The following GTF2F2 variants were observed in gnomAD, a reference collection of about 807,000 sequenced individuals.
GTF2F2 encodes general transcription factor IIF subunit 2, also known as ATP-dependent helicase GTF2F2.
Under a neutral mutation model 42.2 loss-of-function variants are expected in GTF2F2, and 23 were observed. That is an observed-to-expected ratio of 0.55 (90% CI 0.39 to 0.77). The LOEUF is 0.77. GTF2F2 is among the 30% of genes least tolerant of loss of function. The pLI is 0.00. For synonymous variants in GTF2F2, 105 were observed against 100.8 expected (o/e 1.04, Z -0.25); for missense variants, 261 against 287.2 (o/e 0.91, Z 0.66).
chr13:45,231,138 C>T (rs908628032), intron 5 of GTF2F2, among the ~76,000 whole-genome samples: 4 of 151,908 alleles, frequency 2.6e-5, no homozygotes, highest in Non-Finnish European at 4.4e-5. Context: ...GACGGAGTCT[C>T]GCTCTGTCAC....
intron 1 of GTF2F2, among the ~76,000 whole-genome samples, chr13:45,127,875 C>A (rs1180702982): frequency 6.8e-6 from 1 of 146,490 alleles, no homozygotes; most frequent in African/African-American, 2.5e-5. Flanking sequence ...TTGTGATCTG[C>A]CCGCCTCAGC....
chr13:45,227,389 G>T (rs1178825662), intron 5 of GTF2F2, among the ~76,000 whole-genome samples: 1 of 152,176 alleles, frequency 6.6e-6, no homozygotes, highest in Non-Finnish European at 1.5e-5. Context: ...TCCACAGGGA[G>T]AGCAAAATTC....
intron 5 of GTF2F2, among the ~76,000 whole-genome samples, chr13:45,223,672 A>G (rs1874212369): frequency 6.6e-6 from 1 of 152,238 alleles, no homozygotes; most frequent in Non-Finnish European, 1.5e-5. Context: ...AAAATAACTG[A>G]TAGAATACTG....
intron 4 of GTF2F2, among the ~76,000 whole-genome samples, chr13:45,204,983 T>A (rs755857078): frequency 3.9e-5 from 6 of 152,196 alleles, no homozygotes; most frequent in Non-Finnish European, 7.3e-5. Flanking sequence ...GTGGACCTGA[T>A]TTCTACCCTT....
At chr13:45,124,777 G>C (rs374252840) in intron 1 of GTF2F2, among the ~76,000 whole-genome samples, 1 of 151,978 alleles carries the variant, frequency 6.6e-6, no homozygotes, top group African/African-American at 2.4e-5. Flanking sequence ...TGTTGGCCAG[G>C]ATGGTCTTGA....
intron 4 of GTF2F2, among the ~76,000 whole-genome samples, chr13:45,153,621 G>T (rs924787582): frequency 2.6e-5 from 4 of 152,006 alleles, no homozygotes; most frequent in Non-Finnish European, 5.9e-5. Context: ...GCATAGTATA[G>T]GCCTATCTAA....
chr13:45,283,966 G>GA lies in GTF2F2; in HGVS notation c.*408dup, dbSNP rs1436118981. 2 of 152,180 alleles carry GA rather than the reference G, an allele frequency of 1.3e-5. No individual in the cohort carries two copies. Among genetic ancestry groups the GA allele is most frequent in the African/African-American group, 4.8e-5 (2 of 41,422 alleles). The allele number at this position is 152,180 out of a possible 1,614,324, so 9.4% of individuals were successfully genotyped here. On this transcript the variant is annotated 3_prime_UTR_variant, in exon 8 of 8. Transcript: ENST00000340473. ...AGCAAGAAAAAAACAGTCAACTACA[G>GA]AAACTCTTAAAAGGAATAAAAACCC...
intron 4 of GTF2F2, among the ~76,000 whole-genome samples, chr13:45,170,366 C>A (rs1320933275): frequency 1.3e-5 from 2 of 152,170 alleles, no homozygotes; most frequent in Non-Finnish European, 2.9e-5. Flanking sequence ...ATTACATGGG[C>A]TCCAATTAAT....
rs1875282292 is a variant in GTF2F2, at chr13:45,241,184, A to AT, written c.387-11687_387-11686insT. Among the ~76,000 whole-genome samples the AT allele has an allele frequency of 2.8e-5, 4 of 143,886 alleles. No individual in the cohort carries two copies. The East Asian group carries it at 8.0e-4, about 29-fold the overall frequency. The allele number at this position is 143,886 out of a possible 152,430, so 94.4% of individuals were successfully genotyped here. ...CTTAAAAAAAAGTAAATAAATATAA[A>AT]ATATATATATATATATATATATCTG... is the stretch of plus-strand genomic sequence containing the variant. On this transcript the variant is annotated intron_variant, in intron 5 of 7. Coordinates refer to ENST00000340473, the MANE Select transcript of GTF2F2 (RefSeq NM_004128.3).
At chr13:45,217,313 A>AAG (rs1873936981) in intron 5 of GTF2F2, among the ~76,000 whole-genome samples, 1 of 151,918 alleles carries the variant, frequency 6.6e-6, no homozygotes, top group Non-Finnish European at 1.5e-5. Context: ...AAAAAAAAAA[A>AAG]AAAGATTCAG....
At chr13:45,269,047 T>C (rs1452923573) in intron 7 of GTF2F2, among the ~76,000 whole-genome samples, 1 of 152,174 alleles carries the variant, frequency 6.6e-6, no homozygotes, top group African/African-American at 2.4e-5. Context: ...GGGGAACATA[T>C]CATCCATAGT....
intron 5 of GTF2F2, among the ~76,000 whole-genome samples, chr13:45,245,666 AATAT>A (rs372488927): frequency 0.25 from 27,260 of 109,912 alleles, 3,199 homozygotes; most frequent in South Asian, 0.37. Flanking sequence ...CCATGGTGTG[AATAT>A]ATATATATAT....
chr13:45,136,662 A>T, intron 1 of GTF2F2, 71 bp from the exon 2 acceptor site: 2 of 798,888 alleles, frequency 2.5e-6, no homozygotes, highest in Non-Finnish European at 4.3e-6. Context: ...AAATAGAAGC[A>T]ATATATCATT....
chr13:45,134,324 C>T (rs1209190081), intron 1 of GTF2F2, among the ~76,000 whole-genome samples: 1 of 152,132 alleles, frequency 6.6e-6, no homozygotes, highest in East Asian at 1.9e-4. Context: ...GACAAATTTT[C>T]GCTAGGGACT....
intron 5 of GTF2F2, among the ~76,000 whole-genome samples, chr13:45,229,725 A>T (rs1408824959): frequency 6.6e-6 from 1 of 152,124 alleles, no homozygotes; most frequent in Non-Finnish European, 1.5e-5. Flanking sequence ...TGATGTAAGG[A>T]TGTATTTTGT....
At position 45,120,636 on chromosome 13, in the gene GTF2F2, C is replaced by G. The variant is rs1367119425; in HGVS notation, c.-20C>G. Reference sequence around the variant, plus strand: ...TGGGGTCGCTGCTGCATCCCGCACGCCTCCACCGGCTGCAGACCCATGGCC... The same window carrying G: ...TGGGGTCGCTGCTGCATCCCGCACGGCTCCACCGGCTGCAGACCCATGGCC... On this transcript the variant is annotated 5_prime_UTR_variant, in exon 1 of 8. Coordinates refer to ENST00000340473, the MANE Select transcript of GTF2F2 (RefSeq NM_004128.3). The G allele has an allele frequency of 6.5e-7, 1 of 1,549,756 alleles. No homozygotes were observed. Among genetic ancestry groups the G allele is most frequent in the Admixed American group, 2.0e-5 (1 of 51,152 alleles).
intron 3 of GTF2F2, among the ~76,000 whole-genome samples, chr13:45,150,913 C>CT (rs1472459883): frequency 2.6e-5 from 4 of 151,796 alleles, no homozygotes; most frequent in East Asian, 1.9e-4. Context: ...TGAAAACTGT[C>CT]TTTTTTTATA....
At position 45,157,619 on chromosome 13, in the gene GTF2F2, A is replaced by C. The variant is rs185127454; in HGVS notation, c.304+5788A>C. On this transcript the variant is annotated intron_variant, in intron 4 of 7. Coordinates refer to ENST00000340473, the MANE Select transcript of GTF2F2 (RefSeq NM_004128.3). The stretch of plus-strand genomic sequence containing the variant: ...TATATCTTTAGTTGTGTTAACAGAC[A>C]GTCCACTTGGATTCTTTTTTTGGTG... 2.2e-3 allele frequency among the ~76,000 whole-genome samples: 341 copies of C among 152,286 alleles called. 5 individuals carry two copies. Among genetic ancestry groups the C allele is most frequent in the African/African-American group, 7.7e-3 (322 of 41,570 alleles).
intron 5 of GTF2F2, among the ~76,000 whole-genome samples, chr13:45,250,173 G>A (rs531729005): frequency 6.7e-6 from 1 of 149,210 alleles, no homozygotes; most frequent in East Asian, 2.0e-4. Flanking sequence ...TCGAGCCTCA[G>A]CCTCCTGACT....
Sources: allele counts gnomAD v4.1 joint callset (sites outside exome capture counted in the v4.1 genomes callset), GRCh38; gene constraint gnomAD v4.1.1; transcripts MANE v1.5; gene names NCBI Gene and HGNC (gene_info 2026-07-23, HGNC 2026-07-21).